Variants in PLAA observed in about 807,000 individuals in gnomAD.
The protein encoded by PLAA is phospholipase A-2-activating protein.
In PLAA, 48 loss-of-function variants were observed where a neutral mutation model predicts 84.1. That is an observed-to-expected ratio of 0.57 (90% confidence interval 0.45 to 0.73). The LOEUF (loss-of-function observed/expected upper bound fraction) is 0.73, where lower values mean the gene tolerates loss of function less well. Ranked by LOEUF, PLAA falls within the 30% of genes least tolerant of loss-of-function variation. PLAA has a pLI of 0.00. For synonymous variants in PLAA, 392 were observed against 336.6 expected, an observed-to-expected ratio of 1.16 and a Z score of -1.80; for missense variants, 903 against 954.7, an observed-to-expected ratio of 0.95 and a Z score of 0.71.
At chr9:26,935,392 A>T (rs1307524165) in intron 1 of PLAA, among the ~76,000 whole-genome samples, 186 bp from the exon 2 acceptor site, 1 of 152,220 alleles carries the variant, frequency 6.6e-6, no homozygotes, top group Non-Finnish European at 1.5e-5. Context: ...GAATTACATG[A>T]GATAAAGAGA....
intron 1 of PLAA, among the ~76,000 whole-genome samples, chr9:26,938,554 TAAAAAA>T (rs34448526): frequency 8.7e-6 from 1 of 114,636 alleles, no homozygotes. Context: ...CACCATTTCT[TAAAAAA>T]AAAAAAAAAA....
In PLAA at chr9:26,946,901, C is replaced by G. The variant is rs778579602; in HGVS notation, c.145G>C (p.Asp49His). 8.2e-6 allele frequency: 13 copies of G among 1,581,010 alleles called. No individual in the cohort carries two copies. Among genetic ancestry groups the G allele is most frequent in the South Asian group, 1.2e-5 (1 of 86,120 alleles). ...AACCCGACTCCCAGCGCTCACCTGT[C>G]TGGGGCCCAGAGGCGGGTGGTGCGG... ...RDRTTRLWAP[D>H]SPNRSFTEMH... The change falls in exon 1 of 14, where the codon GAC becomes CAC. Residue 49 changes from aspartate (D) to histidine (H), a missense_variant. Asp to His is a moderately conservative substitution (Grantham distance 81, BLOSUM62 -1). Transcript: ENST00000397292.
intron 10 of PLAA, chr9:26,916,587 T>C (rs1824568247): frequency 1.0e-6 from 1 of 987,198 alleles, no homozygotes; most frequent in South Asian, 4.7e-5. Context: ...GGAGACTTCT[T>C]GATTGTACTG....
At chr9:26,939,502 A>C (rs1477737134) in intron 1 of PLAA, among the ~76,000 whole-genome samples, 1 of 150,758 alleles carries the variant, frequency 6.6e-6, no homozygotes, top group African/African-American at 2.4e-5. Context: ...AAAAAAAAAA[A>C]AACCAAACAA....
chr9:26,927,917 A>G (rs1825029956), intron 4 of PLAA, among the ~76,000 whole-genome samples, 183 bp downstream of exon 4: 1 of 152,188 alleles, frequency 6.6e-6, no homozygotes, highest in African/African-American at 2.4e-5. Context: ...GTTTTATGAG[A>G]GGTTTCATTA....
chr9:26,907,095 G>A (rs1365197619), intron 13 of PLAA, among the ~76,000 whole-genome samples: 3 of 145,824 alleles, frequency 2.1e-5, no homozygotes, highest in Non-Finnish European at 4.5e-5. Flanking sequence ...AAAAATAACA[G>A]GCAAGGACTC....
intron 10 of PLAA, 92 bp downstream of exon 10, chr9:26,917,005 T>C: frequency 9.8e-7 from 1 of 1,021,780 alleles, no homozygotes; most frequent in South Asian, 1.4e-5. Flanking sequence ...AATTACCAAT[T>C]ACTGGATGAC....
At position 26,919,550 on chromosome 9, in the gene PLAA, G is replaced by C. The variant is rs767742217; in HGVS notation, c.1198-21C>G. The C allele has an allele frequency of 4.0e-6, 5 of 1,256,252 alleles. No homozygotes were observed. The South Asian group carries it at 6.0e-5, about 15-fold the overall frequency. 77.8% of individuals were successfully genotyped at this position (1,256,252 alleles called of 1,614,324 possible). On this transcript the variant is annotated intron_variant, in intron 8 of 13. Transcript: ENST00000397292. ...AATTCCTAAAGTAGGAATATAAAAA[G>C]GAGATACATGCTTATTATCTGTTCA...
At chr9:26,927,232 T>C (rs1355570583) in intron 4 of PLAA, among the ~76,000 whole-genome samples, 2 of 150,534 alleles carry the variant, frequency 1.3e-5, no homozygotes, top group East Asian at 2.0e-4. Context: ...GAGATTCTTG[T>C]GCCTCAGCCT....
At chr9:26,941,677 C>G (rs1825548571) in intron 1 of PLAA, among the ~76,000 whole-genome samples, 2 of 151,224 alleles carry the variant, frequency 1.3e-5, no homozygotes, top group African/African-American at 2.4e-5. Context: ...CATTATCATC[C>G]TTAGAGGTAT....
intron 4 of PLAA, 120 bp downstream of exon 4, chr9:26,927,980 A>G (rs1178748469): frequency 1.8e-6 from 2 of 1,123,166 alleles, no homozygotes; most frequent in Non-Finnish European, 2.5e-6. Context: ...ATTAACTCAA[A>G]TTAATAGCTT....
chr9:26,941,718 A>C (rs1825550413), intron 1 of PLAA, among the ~76,000 whole-genome samples: 1 of 151,972 alleles, frequency 6.6e-6, no homozygotes, highest in Admixed American at 6.6e-5. Context: ...CAAGGACATA[A>C]TTTCACAAAG....
chr9:26,940,941 A>G (rs142538887), intron 1 of PLAA, among the ~76,000 whole-genome samples: 1 of 152,262 alleles, frequency 6.6e-6, no homozygotes, highest in African/African-American at 2.4e-5. Context: ...TAAAATCTGT[A>G]TTATGTAAAC....
At chr9:26,923,905 G>C (rs542938578) in intron 6 of PLAA, among the ~76,000 whole-genome samples, 2 of 152,128 alleles carry the variant, frequency 1.3e-5, no homozygotes, top group Non-Finnish European at 2.9e-5. Flanking sequence ...TCTGAGATAG[G>C]AGAAGCAAAT....
At chr9:26,939,513 A>G (rs764424469) in intron 1 of PLAA, among the ~76,000 whole-genome samples, 56 of 150,262 alleles carry the variant, frequency 3.7e-4, no homozygotes, top group Non-Finnish European at 6.7e-4. Flanking sequence ...AACCAAACAA[A>G]CTTTAAGGCA....
At chr9:26,916,305 T>C in intron 10 of PLAA, 1 of 985,406 alleles carries the variant, frequency 1.0e-6, no homozygotes. Context: ...GTCGAGGAAC[T>C]CTGTCTGAAG....
Position 26,937,915 on chromosome 9 carries a change from A to G in PLAA, c.150-2709T>C, listed in dbSNP as rs897122370. On this transcript the variant is annotated intron_variant, in intron 1 of 13. Coordinates refer to ENST00000397292, the MANE Select transcript of PLAA (RefSeq NM_001031689.3). ...GAGCCTAAGGGACTTGTGGAACAAC[A>G]TGAGGTAGGCCAGCATACAGATTGT... is the stretch of plus-strand genomic sequence containing the variant. Among the ~76,000 whole-genome samples, 3 of 152,100 alleles carry G rather than the reference A, an allele frequency of 2.0e-5. No individual in the cohort carries two copies. In the East Asian group the frequency reaches 5.8e-4, roughly 29 times the overall value.
At chr9:26,908,646 G>C (rs556083461) in intron 12 of PLAA, among the ~76,000 whole-genome samples, 1 of 152,028 alleles carries the variant, frequency 6.6e-6, no homozygotes, top group East Asian at 1.9e-4. Context: ...TGTATTTTTA[G>C]TAGAGATGGG....
chr9:26,922,807 C>T (rs1407895229), intron 7 of PLAA, among the ~76,000 whole-genome samples: 1 of 152,092 alleles, frequency 6.6e-6, no homozygotes, highest in Non-Finnish European at 1.5e-5. Context: ...GCTGGGACTA[C>T]AAGCGCATGC....
Sources: allele counts gnomAD v4.1 joint callset (sites outside exome capture counted in the v4.1 genomes callset), GRCh38; gene constraint gnomAD v4.1.1; transcripts MANE v1.5; gene names NCBI Gene and HGNC (gene_info 2026-07-23, HGNC 2026-07-21).